The following SGSM3 variants were observed in gnomAD, a reference collection of about 807,000 sequenced individuals.
The protein encoded by SGSM3 is RUN and SH3 containing 3.
SGSM3 carries 96 observed loss-of-function variants against 100.5 expected under a neutral mutation model. That is an observed-to-expected ratio of 0.96 (90% confidence interval 0.81 to 1.13). SGSM3 has a LOEUF of 1.13. Ranked by LOEUF, SGSM3 falls within the 50% of genes most tolerant of loss-of-function variation. SGSM3 has a pLI of 0.00. For missense variants in SGSM3, 1,001 were observed against 1,015.8 expected (o/e 0.99, Z 0.20); for synonymous variants, 483 against 422.8 (o/e 1.14, Z -1.75).
chr22:40,392,591 T>C (rs1286469636), intron 1 of SGSM3, among the ~76,000 whole-genome samples: 1 of 152,212 alleles, frequency 6.6e-6, no homozygotes, highest in Non-Finnish European at 1.5e-5. Context: ...CTGTTCTCAG[T>C]ACTCAGCTTC....
At chr22:40,373,609 T>TTTTTTG (rs1162367862) in intron 1 of SGSM3, 21 of 152,084 alleles carry the variant, frequency 1.4e-4, no homozygotes, top group Non-Finnish European at 2.5e-4. Context: ...GGCAGTTGTG[T>TTTTTTG]TTTTTGTTTT....
chr22:40,406,810 G>A lies in SGSM3; in HGVS notation c.1185+148G>A, dbSNP rs747206984. ...GGCCCAGTCAGACCACAGCTGTGGGGTGATCCAGGCCTCCTCAGGCTTTGT... is the reference window on the plus strand; with the variant it reads ...GGCCCAGTCAGACCACAGCTGTGGGATGATCCAGGCCTCCTCAGGCTTTGT... On this transcript the variant is annotated intron_variant, in intron 10 of 21. Coordinates refer to ENST00000248929, the MANE Select transcript of SGSM3 (RefSeq NM_015705.6). The A allele has an allele frequency of 5.4e-4, 467 of 872,534 alleles. 3 individuals are homozygous for A. Among genetic ancestry groups the A allele is most frequent in the Admixed American group, 7.5e-4 (35 of 46,736 alleles). 54.0% of individuals were successfully genotyped at this position (872,534 alleles called of 1,614,324 possible).
At chr22:40,406,791 G>A (rs1319575871) in intron 10 of SGSM3, 129 bp downstream of exon 10, 3 of 920,344 alleles carry the variant, frequency 3.3e-6, no homozygotes, top group Non-Finnish European at 5.0e-6. Flanking sequence ...GCCTGGCCCA[G>A]TCAGACCACA....
intron 1 of SGSM3, among the ~76,000 whole-genome samples, chr22:40,393,306 TG>T (rs566651276): frequency 1.3e-5 from 2 of 152,180 alleles, no homozygotes; most frequent in Non-Finnish European, 2.9e-5. Flanking sequence ...TTAGTAGAGA[TG>T]GGGTTTCACC....
intron 1 of SGSM3, among the ~76,000 whole-genome samples, chr22:40,398,846 A>C (rs2050375040): frequency 7.1e-6 from 1 of 140,970 alleles, no homozygotes; most frequent in African/African-American, 2.6e-5. Flanking sequence ...TAACCACAGT[A>C]AGGCATAGGT....
intron 1 of SGSM3, among the ~76,000 whole-genome samples, chr22:40,392,623 GTCAA>G (rs1396126479): frequency 6.6e-6 from 1 of 152,088 alleles, no homozygotes; most frequent in African/African-American, 2.4e-5. Flanking sequence ...TCAGAAAAAA[GTCAA>G]CCTTCTTACT....
In SGSM3 at chr22:40,409,169, A is replaced by C. The variant is rs983725459; in HGVS notation, c.1989-81A>C. On this transcript the variant is annotated intron_variant, in intron 19 of 21. Coordinates refer to ENST00000248929, the MANE Select transcript of SGSM3 (RefSeq NM_015705.6). Reference sequence around the variant, plus strand: ...AGGGTGGTCTGGGAGCTGCTGAGAGACAGGTCAGAGGCTTCCACCGTGGCT... The same window carrying C: ...AGGGTGGTCTGGGAGCTGCTGAGAGCCAGGTCAGAGGCTTCCACCGTGGCT... The C allele has an allele frequency of 1.2e-5, 19 of 1,557,282 alleles. No homozygotes were observed. The Middle Eastern group carries it at 8.8e-4, about 72-fold the overall frequency.
At chr22:40,377,252 A>T (rs1601721233) in intron 1 of SGSM3, among the ~76,000 whole-genome samples, 2 of 152,222 alleles carry the variant, frequency 1.3e-5, no homozygotes, top group African/African-American at 4.8e-5. Context: ...AGGCAAATAG[A>T]TGCTTTCCTC....
At chr22:40,380,678 G>A (rs2047424797) in intron 1 of SGSM3, among the ~76,000 whole-genome samples, 1 of 152,136 alleles carries the variant, frequency 6.6e-6, no homozygotes, top group Non-Finnish European at 1.5e-5. Context: ...GCTCACACCT[G>A]TAATCCCAGC....
chr22:40,383,327 C>T (rs1253420848), intron 1 of SGSM3, among the ~76,000 whole-genome samples: 1 of 151,954 alleles, frequency 6.6e-6, no homozygotes, highest in African/African-American at 2.4e-5. Context: ...ATTAGCCCGG[C>T]GTGGTGGCAG....
chr22:40,371,463 C>A (rs937356983), intron 1 of SGSM3, among the ~76,000 whole-genome samples: 1 of 152,096 alleles, frequency 6.6e-6, no homozygotes, highest in African/African-American at 2.4e-5. Context: ...CTTATTCTTT[C>A]TTAGTAAATT....
At chr22:40,399,812 A>G (rs1034820166) in intron 1 of SGSM3, among the ~76,000 whole-genome samples, 1 of 152,184 alleles carries the variant, frequency 6.6e-6, no homozygotes, top group Non-Finnish European at 1.5e-5. Context: ...GCATGTCTGG[A>G]AGCAGGAGGG....
Position 40,407,381 on chromosome 22 carries a change from C to T in SGSM3, c.1369-32C>T. The T allele has an allele frequency of 1.9e-6, 3 of 1,611,976 alleles. No individual in the cohort carries two copies. The highest frequency in any genetic ancestry group is 2.5e-6 in the Non-Finnish European group (3 of 1,178,834). On this transcript the variant is annotated intron_variant, in intron 12 of 21. Coordinates refer to ENST00000248929, the MANE Select transcript of SGSM3 (RefSeq NM_015705.6). The surrounding 1 kb of genome is among the most constrained non-coding windows in gnomAD (Gnocchi z 4.7). ...CCAAACACGGCCCTAACTCCTCCAA[C>T]CCCCTTGGTGGGCCTGTGTTCACTG...
Position 40,409,991 on chromosome 22 carries a change from A to T in SGSM3, c.*232A>T, listed in dbSNP as rs2052380991. 7.5e-7 allele frequency: 1 copy of T among 1,324,952 alleles called. No individual in the cohort carries two copies. Among genetic ancestry groups the T allele is most frequent in the Non-Finnish European group, 9.6e-7 (1 of 1,042,846 alleles). 82.1% of individuals were successfully genotyped at this position (1,324,952 alleles called of 1,614,324 possible). On this transcript the variant is annotated 3_prime_UTR_variant, in exon 22 of 22. Coordinates refer to ENST00000248929, the MANE Select transcript of SGSM3 (RefSeq NM_015705.6). The stretch of plus-strand genomic sequence containing the variant: ...GGCCAAACCACAGTTTGTACCAAAA[A>T]CCTTGTGAGGAGGTGGGGGAGCCAT...
At chr22:40,409,188 C>G in intron 19 of SGSM3, 62 bp from the exon 20 acceptor site, 2 of 1,555,332 alleles carry the variant, frequency 1.3e-6, no homozygotes, top group Non-Finnish European at 1.7e-6. Context: ...AGGCTTCCAC[C>G]GTGGCTGCAG....
chr22:40,402,267 C>G (rs2050853012), intron 4 of SGSM3, 62 bp downstream of exon 4: 2 of 1,284,132 alleles, frequency 1.6e-6, no homozygotes, highest in Non-Finnish European at 1.1e-6. Context: ...ACTCCGCTCC[C>G]TTGACTGAAT....
intron 1 of SGSM3, chr22:40,387,340 C>A: frequency 2.5e-6 from 1 of 396,086 alleles, no homozygotes; most frequent in South Asian, 1.3e-4. Context: ...TAGGTATGTT[C>A]ATATCTGCAA....
intron 1 of SGSM3, chr22:40,378,106 G>A (rs1318431664): frequency 1.3e-5 from 2 of 152,142 alleles, no homozygotes; most frequent in African/African-American, 4.8e-5. Context: ...AAGACAAGAT[G>A]GTCACCTGGG....
At chr22:40,378,720 G>A (rs932802385) in intron 1 of SGSM3, among the ~76,000 whole-genome samples, 4 of 151,640 alleles carry the variant, frequency 2.6e-5, no homozygotes, top group Non-Finnish European at 4.4e-5. Flanking sequence ...GCGAGACTCT[G>A]TCTCAAAAAA....
Sources: gnomAD v4.1 joint callset for allele counts (sites outside exome capture counted in the v4.1 genomes callset) on GRCh38, gnomAD v4.1.1 for gene constraint, Gnocchi (gnomAD v3.1) non-coding constraint, MANE v1.5 for transcripts, NCBI Gene and HGNC (gene_info 2026-07-23, HGNC 2026-07-21) for gene names.